Variants in ADARB2 observed in about 807,000 individuals in gnomAD.
ADARB2 encodes the protein inactive double-stranded RNA-specific editase B2.
A neutral mutation model predicts 62.2 loss-of-function variants in ADARB2; 25 were observed. The observed-to-expected ratio is 0.40, with a 90% confidence interval of 0.29 to 0.56. The LOEUF (loss-of-function observed/expected upper bound fraction) is 0.56. Ranked by LOEUF, ADARB2 falls within the 20% of genes least tolerant of loss-of-function variation. The pLI, the probability that ADARB2 is intolerant of heterozygous loss-of-function variation, is 0.43. For missense variants in ADARB2, 1,071 were observed against 1,077.4 expected (o/e 0.99, Z 0.08); for synonymous variants, 572 against 500.8 (o/e 1.14, Z -1.90).
chr10:1,529,887 G>C (rs1294969014), intron 1 of ADARB2, among the ~76,000 whole-genome samples: 1 of 106,842 alleles, frequency 9.4e-6, no homozygotes, highest in East Asian at 2.9e-4. Context: ...CACGTCCACT[G>C]CCCCCTGCCA....
chr10:1,262,063 A>ATG (rs1831143072), intron 4 of ADARB2, among the ~76,000 whole-genome samples: 4 of 143,018 alleles, frequency 2.8e-5, no homozygotes, highest in Non-Finnish European at 4.5e-5. Flanking sequence ...AACACCGCAT[A>ATG]TTCTCACTCA....
chr10:1,252,143 A>G (rs1416109746), intron 4 of ADARB2, among the ~76,000 whole-genome samples: 3 of 152,232 alleles, frequency 2.0e-5, no homozygotes, highest in African/African-American at 4.8e-5. Context: ...GCCTGTTCCA[A>G]TGTTTTAAAG....
At chr10:1,501,192 G>A (rs1484785910) in intron 1 of ADARB2, among the ~76,000 whole-genome samples, 2 of 152,188 alleles carry the variant, frequency 1.3e-5, no homozygotes, top group Non-Finnish European at 2.9e-5. Flanking sequence ...CCTTTTTAAA[G>A]AAGTGATGGG....
chr10:1,192,416 C>A (rs925213808), intron 8 of ADARB2, among the ~76,000 whole-genome samples: 1 of 152,186 alleles, frequency 6.6e-6, no homozygotes, highest in East Asian at 1.9e-4. Flanking sequence ...AATGGAAGAG[C>A]TGGTAAATTT....
At chr10:1,513,881 A>G (rs1256430645) in intron 1 of ADARB2, among the ~76,000 whole-genome samples, 1 of 151,992 alleles carries the variant, frequency 6.6e-6, no homozygotes, top group Non-Finnish European at 1.5e-5. Flanking sequence ...ACCCTGTTCT[A>G]TCTAAAACAC....
rs767898169 is a variant in ADARB2, at chr10:1,229,794, ATGTG to A, written c.1513+3896_1513+3899del. Among the ~76,000 whole-genome samples, 394 of 57,908 alleles carry A rather than the reference ATGTG, an allele frequency of 6.8e-3. 1 individual carries two copies. The highest frequency in any genetic ancestry group is 0.012 in the Non-Finnish European group (328 of 27,460). 38.0% of individuals were successfully genotyped at this position (57,908 alleles called of 152,430 possible). A position where few individuals can be genotyped will look rare whatever the true frequency, so the allele number is the denominator to read the frequency against. The stretch of plus-strand genomic sequence containing the variant: ...TATGTGCTTCTGTGTACATGTGTTT[ATGTG>A]TGTGCGTGTACATGTACTTATGTAT... On this transcript the variant is annotated intron_variant, in intron 6 of 9. Coordinates refer to ENST00000381312, the MANE Select transcript of ADARB2 (RefSeq NM_018702.4).
chr10:1,228,142 T>C (rs1206827954), intron 6 of ADARB2, among the ~76,000 whole-genome samples: 6 of 152,208 alleles, frequency 3.9e-5, no homozygotes, highest in Admixed American at 3.3e-4. Context: ...TTGAATGGAA[T>C]TGGCTTAGAA....
chr10:1,333,844 G>A (rs1226393046), intron 3 of ADARB2, among the ~76,000 whole-genome samples: 8 of 152,144 alleles, frequency 5.3e-5, no homozygotes, highest in Non-Finnish European at 1.0e-4. Flanking sequence ...AATTCCTAGG[G>A]ACAAAAAGGC....
intron 2 of ADARB2, among the ~76,000 whole-genome samples, chr10:1,377,483 G>T (rs140961065): frequency 1.5e-5 from 2 of 130,146 alleles, no homozygotes; most frequent in Non-Finnish European, 3.3e-5. Flanking sequence ...GTGTGTGTGC[G>T]CATGTGTGTG....
At chr10:1,232,708 G>C (rs1057250633) in intron 6 of ADARB2, among the ~76,000 whole-genome samples, 1 of 147,966 alleles carries the variant, frequency 6.8e-6, no homozygotes, top group African/African-American at 2.5e-5. Context: ...TGTGTGCAGT[G>C]TATGTGGTAT....
chr10:1,574,964 T>G (rs1367375745), intron 1 of ADARB2, among the ~76,000 whole-genome samples: 3 of 152,228 alleles, frequency 2.0e-5, no homozygotes, highest in African/African-American at 7.2e-5. Flanking sequence ...ATTCAGGGGC[T>G]GAGTTGACAG....
intron 1 of ADARB2, among the ~76,000 whole-genome samples, chr10:1,720,710 C>T (rs111678079): frequency 3.3e-5 from 5 of 152,200 alleles, no homozygotes; most frequent in African/African-American, 1.2e-4. Context: ...CAGGAGCATG[C>T]GGGGGCCTCT....
chr10:1,381,200 A>G (rs1434144762), intron 1 of ADARB2, among the ~76,000 whole-genome samples: 1 of 152,224 alleles, frequency 6.6e-6, no homozygotes, highest in Non-Finnish European at 1.5e-5. Context: ...ACACACATAT[A>G]TACTTAAAAA....
intron 1 of ADARB2, among the ~76,000 whole-genome samples, chr10:1,665,761 C>T (rs1281853333): frequency 6.6e-6 from 1 of 152,248 alleles, no homozygotes; most frequent in African/African-American, 2.4e-5. Flanking sequence ...TGGGAAGCCC[C>T]TGGAGATGAC....
chr10:1,662,048 T>C (rs1053606453), intron 1 of ADARB2, among the ~76,000 whole-genome samples: 3 of 151,984 alleles, frequency 2.0e-5, no homozygotes, highest in African/African-American at 7.2e-5. Flanking sequence ...CCCAGGGAGG[T>C]CCACACCCTA....
rs147891265 is a variant in ADARB2, at chr10:1,705,616, T to C, written c.100+31435A>G. 2.0e-3 allele frequency among the ~76,000 whole-genome samples: 309 copies of C among 152,344 alleles called. 1 individual carries two copies. The highest frequency in any genetic ancestry group is 7.1e-3 in the African/African-American group (295 of 41,578). ...TTAATCTGAAAATTTCAGACATAAC[T>C]GTCCTGAAATGCAGGGTGCGGCAAT... On this transcript the variant is annotated intron_variant, in intron 1 of 9. Transcript: ENST00000381312.
chr10:1,509,281 T>A (rs1276899253), intron 1 of ADARB2, among the ~76,000 whole-genome samples: 1 of 152,220 alleles, frequency 6.6e-6, no homozygotes, highest in Non-Finnish European at 1.5e-5. Flanking sequence ...CTGTCGGAGA[T>A]GATACCATTA....
At chr10:1,416,270 G>T (rs1297006408) in intron 1 of ADARB2, among the ~76,000 whole-genome samples, 2 of 152,212 alleles carry the variant, frequency 1.3e-5, no homozygotes, top group African/African-American at 2.4e-5. Context: ...GCAAATAGAA[G>T]ATATTTTTGA....
intron 5 of ADARB2, among the ~76,000 whole-genome samples, chr10:1,241,323 C>G (rs1830920312): frequency 6.6e-6 from 1 of 152,212 alleles, no homozygotes; most frequent in South Asian, 2.1e-4. Context: ...TAGGGCTACA[C>G]GTGGGCCTTT....
Sources: allele counts gnomAD v4.1 joint callset (sites outside exome capture counted in the v4.1 genomes callset), GRCh38; gene constraint gnomAD v4.1.1; transcripts MANE v1.5; gene names NCBI Gene and HGNC (gene_info 2026-07-23, HGNC 2026-07-21).